DNAH14: variants seen among roughly 807,000 people sequenced by gnomAD.
The protein encoded by DNAH14 is dynein axonemal heavy chain 14.
Under a neutral mutation model 520.9 loss-of-function variants are expected in DNAH14, and 478 were observed. That is an observed-to-expected ratio of 0.92 (90% CI 0.85 to 0.99). DNAH14 has a LOEUF of 0.99. Ranked by LOEUF, DNAH14 falls within the 50% of genes least tolerant of loss-of-function variation. DNAH14 has a pLI of 0.00. For missense variants in DNAH14, 4,831 were observed against 5,234.5 expected, an observed-to-expected ratio of 0.92 and a Z score of 2.38; for synonymous variants, 1,581 against 1,757.2, an observed-to-expected ratio of 0.90 and a Z score of 2.51.
intron 36 of DNAH14, among the ~76,000 whole-genome samples, chr1:225,170,758 A>C (rs898885885): frequency 1.3e-5 from 2 of 152,340 alleles, no homozygotes; most frequent in Admixed American, 6.5e-5. Flanking sequence ...TGAGCTCTGC[A>C]CCAAGCGGAC....
intron 76 of DNAH14, 84 bp downstream of exon 76, chr1:225,364,978 T>C: frequency 9.9e-7 from 1 of 1,008,148 alleles, no homozygotes; most frequent in Non-Finnish European, 1.4e-6. Flanking sequence ...ACTCTGAGTT[T>C]AAAAGAGAAA....
At chr1:225,370,453 G>A (rs1272586765) in intron 77 of DNAH14, among the ~76,000 whole-genome samples, 1 of 152,110 alleles carries the variant, frequency 6.6e-6, no homozygotes, top group Admixed American at 6.6e-5. Flanking sequence ...CCAGGAGGTT[G>A]AGGCTGCAGT....
At chr1:224,951,674 G>A (rs1246037570) in intron 1 of DNAH14, among the ~76,000 whole-genome samples, 1 of 127,134 alleles carries the variant, frequency 7.9e-6, no homozygotes. Context: ...TTTTTGAGAC[G>A]GAGTCTCGCT....
intron 81 of DNAH14, among the ~76,000 whole-genome samples, chr1:225,383,105 A>C (rs533823934): frequency 6.6e-6 from 1 of 152,336 alleles, no homozygotes; most frequent in South Asian, 2.1e-4. Flanking sequence ...AACGTTCTAC[A>C]ATTGACTACA....
At chr1:224,967,338 C>A in intron 5 of DNAH14, 93 bp from the exon 6 acceptor site, 1 of 839,716 alleles carries the variant, frequency 1.2e-6, no homozygotes, top group Non-Finnish European at 1.7e-6. Flanking sequence ...AAAATTGTTT[C>A]AATTTAGTGG....
At chr1:225,177,563 T>C (rs1187699021) in intron 36 of DNAH14, among the ~76,000 whole-genome samples, 1 of 152,104 alleles carries the variant, frequency 6.6e-6, no homozygotes, top group African/African-American at 2.4e-5. Flanking sequence ...AATGGTTTCG[T>C]GGGCCAAACC....
At chr1:225,390,501 A>C (rs959382572) in intron 83 of DNAH14, among the ~76,000 whole-genome samples, 2 of 152,172 alleles carry the variant, frequency 1.3e-5, no homozygotes, top group Non-Finnish European at 2.9e-5. Context: ...CACACACACA[A>C]AAAGCTCTCA....
At chr1:225,305,446 G>A (rs1299185854) in intron 58 of DNAH14, among the ~76,000 whole-genome samples, 3 of 152,142 alleles carry the variant, frequency 2.0e-5, no homozygotes, top group African/African-American at 4.8e-5. Flanking sequence ...TGACTACAAC[G>A]CAGATAGTGG....
rs906104889 is a variant in DNAH14 at position 225,258,260 on chromosome 1, A to G, written c.7024+142A>G. The G allele has an allele frequency of 2.7e-5, 22 of 816,352 alleles. No homozygotes were observed. In the African/African-American group the frequency reaches 4.0e-4, roughly 15 times the overall value. 50.6% of individuals were successfully genotyped at this position (816,352 alleles called of 1,614,324 possible). On this transcript the variant is annotated intron_variant, in intron 45 of 85. Coordinates refer to ENST00000682510, the MANE Select transcript of DNAH14 (RefSeq NM_001367479.1). Reference sequence around the variant, plus strand: ...TACTATATTAATTTATTTTCTTACCAGCAGTTTATGAACACCCATTTTTCC... The same window carrying G: ...TACTATATTAATTTATTTTCTTACCGGCAGTTTATGAACACCCATTTTTCC...
chr1:224,975,335 G>A lies in DNAH14; in HGVS notation c.830+1182G>A, dbSNP rs565995038. On this transcript the variant is annotated intron_variant, in intron 8 of 85. Transcript: ENST00000682510. Reference sequence around the variant, plus strand: ...CCTCCTTGTACCTCTGGTAGAATTCGGCTGTGAATCCATCTGGTCCTGGAC... The same window carrying A: ...CCTCCTTGTACCTCTGGTAGAATTCAGCTGTGAATCCATCTGGTCCTGGAC... 4.0e-5 allele frequency among the ~76,000 whole-genome samples: 6 copies of A among 151,828 alleles called. No individual in the cohort carries two copies. The East Asian group carries it at 7.8e-4, about 20-fold the overall frequency.
chr1:225,287,194 C>T (rs548178068), intron 54 of DNAH14, among the ~76,000 whole-genome samples: 3 of 152,106 alleles, frequency 2.0e-5, no homozygotes, highest in African/African-American at 7.2e-5. Context: ...AAAGAATGAG[C>T]CTTAATGTTT....
intron 44 of DNAH14, among the ~76,000 whole-genome samples, chr1:225,257,071 A>T (rs2092761846): frequency 6.6e-6 from 1 of 152,194 alleles, no homozygotes; most frequent in Admixed American, 6.5e-5. Flanking sequence ...TGGCTTATTT[A>T]TGTATGTTTA....
chr1:225,075,812 G>C (rs771656702), intron 17 of DNAH14, among the ~76,000 whole-genome samples: 1 of 152,152 alleles, frequency 6.6e-6, no homozygotes, highest in African/African-American at 2.4e-5. Flanking sequence ...TTTTATCCTT[G>C]TGGCCATGCT....
At chr1:225,128,507 T>G (rs1351575917) in intron 27 of DNAH14, among the ~76,000 whole-genome samples, 3 of 152,056 alleles carry the variant, frequency 2.0e-5, no homozygotes, top group Non-Finnish European at 4.4e-5. Flanking sequence ...CAAGGCTGGT[T>G]CAATATACGC....
At position 225,002,773 on chromosome 1, in the gene DNAH14, TA is replaced by T; in HGVS notation, c.831-8del. ...GAGAGATATATCTGTAGAAATTTTT[TA>T]ACTTTCAGGTCATTTTTGTACCACC... On this transcript the variant is annotated splice_polypyrimidine_tract_variant and intron_variant, in intron 8 of 85. Coordinates refer to ENST00000682510, the MANE Select transcript of DNAH14 (RefSeq NM_001367479.1). 1 of 1,547,550 alleles carries T rather than the reference TA, an allele frequency of 6.5e-7. No homozygotes were observed. Among genetic ancestry groups the T allele is most frequent in the African/African-American group, 1.4e-5 (1 of 72,818 alleles).
chr1:225,031,756 T>TAAA (rs1461738659), intron 11 of DNAH14, among the ~76,000 whole-genome samples: 4 of 152,118 alleles, frequency 2.6e-5, no homozygotes, highest in African/African-American at 9.7e-5. Flanking sequence ...TTAAATACAT[T>TAAA]TTTAGTTGTT....
At position 225,380,306 on chromosome 1, in the gene DNAH14, T is replaced by C; in HGVS notation, c.12864T>C (p.Leu4288=). Residue 4288 remains leucine, a synonymous_variant, in exon 80 of 86, where the codon CTT becomes CTC. Coordinates refer to ENST00000682510, the MANE Select transcript of DNAH14 (RefSeq NM_001367479.1). The part of the protein sequence containing the change: ...SMMSSSIWES[L]SKNLKDHDPL... ...TGTCAAGCTCCATTTGGGAGTCTCT[T>C]TCTAAAAATCTCAAAGGTGAGCATG... 1 of 1,551,380 alleles carries C rather than the reference T, an allele frequency of 6.4e-7. No homozygotes were observed. Among genetic ancestry groups the C allele is most frequent in the Non-Finnish European group, 8.7e-7 (1 of 1,146,854 alleles).
chr1:225,136,938 T>C (rs1271225311), intron 27 of DNAH14, among the ~76,000 whole-genome samples: 3 of 152,234 alleles, frequency 2.0e-5, no homozygotes, highest in Non-Finnish European at 2.9e-5. Flanking sequence ...CCACTTGGTC[T>C]ATTCTGCTAT....
At chr1:225,006,284 A>G (rs1198403409) in intron 9 of DNAH14, among the ~76,000 whole-genome samples, 2 of 152,132 alleles carry the variant, frequency 1.3e-5, no homozygotes, top group African/African-American at 4.8e-5. Flanking sequence ...TTTGTAAAAC[A>G]TGTGTGTTTG....
Sources: gnomAD v4.1 joint callset for allele counts (sites outside exome capture counted in the v4.1 genomes callset) on GRCh38, gnomAD v4.1.1 for gene constraint, MANE v1.5 for transcripts, NCBI Gene and HGNC (gene_info 2026-07-23, HGNC 2026-07-21) for gene names.